The following CERT1 variants were observed in gnomAD, a reference collection of about 807,000 sequenced individuals.
CERT1 encodes ceramide transfer protein.
In CERT1, 31 loss-of-function variants were observed where a neutral mutation model predicts 87.9. The observed-to-expected ratio is 0.35, with a 90% CI of 0.27 to 0.48. The LOEUF (loss-of-function observed/expected upper bound fraction) is 0.48, where lower values mean the gene tolerates loss of function less well. Among genes scored for constraint, CERT1 ranks in the 20% least tolerant of loss-of-function variants. The pLI is 0.99. For synonymous variants in CERT1, 289 were observed against 250.9 expected, an observed-to-expected ratio of 1.15 and a Z score of -1.44; for missense variants, 487 against 758.0, an observed-to-expected ratio of 0.64 and a Z score of 4.20.
chr5:75,387,996 G>A (rs1166332857), intron 12 of CERT1, among the ~76,000 whole-genome samples: 16 of 152,136 alleles, frequency 1.1e-4, no homozygotes, highest in Non-Finnish European at 1.8e-4. Flanking sequence ...CCAGAGGGAG[G>A]TGACTCTACG....
At chr5:75,500,715 A>G (rs115965059) in intron 2 of CERT1, among the ~76,000 whole-genome samples, 2,355 of 152,268 alleles carry the variant, frequency 0.015, 63 homozygotes, top group African/African-American at 0.053. Context: ...TGTTCAACAT[A>G]GAAAAACTGC....
intron 3 of CERT1, among the ~76,000 whole-genome samples, chr5:75,451,381 G>C (rs982196539): frequency 6.6e-6 from 1 of 152,070 alleles, no homozygotes; most frequent in Non-Finnish European, 1.5e-5. Context: ...CCCGACTACT[G>C]TAAGAACTAT....
chr5:75,497,589 G>A (rs767074853), intron 2 of CERT1, among the ~76,000 whole-genome samples: 1 of 152,020 alleles, frequency 6.6e-6, no homozygotes, highest in African/African-American at 2.4e-5. Flanking sequence ...TCATGGGGGC[G>A]ATGGTTTTAT....
Position 75,511,248 on chromosome 5 carries a change from T to A in CERT1, c.-41A>T, listed in dbSNP as rs757255215. 1 of 1,606,230 alleles carries A rather than the reference T, an allele frequency of 6.2e-7. No individual in the cohort carries two copies. Among genetic ancestry groups the A allele is most frequent in the Non-Finnish European group, 8.5e-7 (1 of 1,176,580 alleles). ...GAGCAGGAGACCGGCCCCCGCTCCC[T>A]CAGCTGCGCCGGAGGAGGCGCCCAG... On this transcript the variant is annotated 5_prime_UTR_variant, in exon 1 of 17. Transcript: ENST00000643780.
chr5:75,410,687 T>TAGTTTGC (rs1561242958), intron 8 of CERT1: 1 of 155,676 alleles, frequency 6.4e-6, no homozygotes, highest in African/African-American at 2.6e-5. Flanking sequence ...TTTTCCTTTA[T>TAGTTTGC]AGTTTGCTTT....
intron 17 of CERT1, chr5:75,371,855 G>A (rs1190549986): frequency 6.6e-6 from 1 of 152,166 alleles, no homozygotes; most frequent in Non-Finnish European, 1.5e-5. Context: ...TCAGCTTAAT[G>A]AAAATAATTG....
chr5:75,437,765 C>T (rs1764155433), intron 3 of CERT1, among the ~76,000 whole-genome samples: 1 of 117,632 alleles, frequency 8.5e-6, no homozygotes, highest in Non-Finnish European at 1.7e-5. Context: ...GACTCTGTCT[C>T]ATTAAAAAAA....
intron 2 of CERT1, among the ~76,000 whole-genome samples, chr5:75,502,668 T>G (rs2112463360): frequency 6.6e-6 from 1 of 152,270 alleles, no homozygotes; most frequent in East Asian, 1.9e-4. Context: ...AATTTAAGTT[T>G]GGTTGTCCCT....
intron 6 of CERT1, among the ~76,000 whole-genome samples, chr5:75,418,007 T>C (rs1256366327): frequency 6.6e-6 from 1 of 152,076 alleles, no homozygotes; most frequent in Non-Finnish European, 1.5e-5. Flanking sequence ...AAATACAAAA[T>C]TAGCTGGGTG....
At chr5:75,439,739 C>T (rs993298405) in intron 3 of CERT1, among the ~76,000 whole-genome samples, 3 of 151,950 alleles carry the variant, frequency 2.0e-5, no homozygotes, top group African/African-American at 7.2e-5. Flanking sequence ...ACATGAGGAG[C>T]CAGATACAAT....
chr5:75,424,366 G>A (rs1763511772), intron 5 of CERT1, among the ~76,000 whole-genome samples: 1 of 152,088 alleles, frequency 6.6e-6, no homozygotes, highest in East Asian at 1.9e-4. Flanking sequence ...CAGATCATGA[G>A]GTCAGGAGAT....
chr5:75,439,923 C>T (rs988087926), intron 3 of CERT1, among the ~76,000 whole-genome samples: 16 of 152,044 alleles, frequency 1.1e-4, no homozygotes, highest in African/African-American at 3.9e-4. Context: ...GGGTCCCCCA[C>T]TAGAGAAGTT....
At chr5:75,487,090 G>C (rs903538074) in intron 2 of CERT1, among the ~76,000 whole-genome samples, 10 of 151,928 alleles carry the variant, frequency 6.6e-5, no homozygotes, top group African/African-American at 2.4e-4. Context: ...TTATACTACA[G>C]AGCTATAGTA....
At chr5:75,379,677 C>T (rs1761482193) in intron 16 of CERT1, among the ~76,000 whole-genome samples, 2 of 152,128 alleles carry the variant, frequency 1.3e-5, no homozygotes, top group Admixed American at 1.3e-4. Flanking sequence ...CTTCCGCCTC[C>T]GGGGTTCAAG....
intron 7 of CERT1, among the ~76,000 whole-genome samples, chr5:75,416,484 G>A (rs1264559265): frequency 1.3e-5 from 2 of 152,108 alleles, no homozygotes; most frequent in Non-Finnish European, 2.9e-5. Flanking sequence ...AAAAATACAT[G>A]AGTATTACTA....
intron 9 of CERT1, 76 bp downstream of exon 9, chr5:75,402,896 A>C (rs1762555267): frequency 1.2e-6 from 1 of 840,034 alleles, no homozygotes; most frequent in Non-Finnish European, 2.0e-6. Flanking sequence ...TTCTATTTAC[A>C]TGAAATAATA....
chr5:75,498,905 T>C (rs956508531), intron 2 of CERT1, among the ~76,000 whole-genome samples: 8 of 152,150 alleles, frequency 5.3e-5, no homozygotes, highest in African/African-American at 1.4e-4. Flanking sequence ...AGACACTCAA[T>C]GCTAGCCTGT....
intron 2 of CERT1, among the ~76,000 whole-genome samples, chr5:75,487,735 A>G (rs528280736): frequency 1.3e-5 from 2 of 152,200 alleles, no homozygotes; most frequent in East Asian, 3.9e-4. Context: ...ATTCAACAAC[A>G]CTAATGACAG....
At chr5:75,441,367 T>C (rs373792729) in intron 3 of CERT1, among the ~76,000 whole-genome samples, 7 of 152,338 alleles carry the variant, frequency 4.6e-5, no homozygotes, top group Admixed American at 2.6e-4. Flanking sequence ...ATCGACAAAC[T>C]ATGCATTTCT....
Sources: gnomAD v4.1 joint callset for allele counts (sites outside exome capture counted in the v4.1 genomes callset) on GRCh38, gnomAD v4.1.1 for gene constraint, MANE v1.5 for transcripts, NCBI Gene and HGNC (gene_info 2026-07-23, HGNC 2026-07-21) for gene names.